The following DST variants were observed in gnomAD, a reference collection of about 807,000 sequenced individuals.
DST encodes dystonin.
DST carries 253 observed loss-of-function variants against 875.2 expected under a neutral mutation model. The observed-to-expected ratio is 0.29, with a 90% confidence interval of 0.26 to 0.32. DST has a LOEUF of 0.32. DST is among the 10% of genes least tolerant of loss of function. The probability of loss-of-function intolerance (pLI) is 1.00; values close to 1 mark genes in which losing one functional copy is unlikely to be tolerated. For missense variants in DST, 8,287 were observed against 9,111.6 expected (o/e 0.91, Z 3.68); for synonymous variants, 3,124 against 3,197.1 (o/e 0.98, Z 0.77).
chr6:56,631,851 A>T, intron 29 of DST, 32 bp downstream of exon 29: 1 of 1,604,466 alleles, frequency 6.2e-7, no homozygotes, highest in Non-Finnish European at 8.5e-7. Flanking sequence ...TAAGAGAGTT[A>T]GTTTTTTTCC....
At chr6:56,765,164 T>A (rs2099630278) in intron 4 of DST, among the ~76,000 whole-genome samples, 1 of 152,194 alleles carries the variant, frequency 6.6e-6, no homozygotes, top group African/African-American at 2.4e-5. Context: ...TGAGACCCCA[T>A]AACCTGTAGA....
At chr6:56,616,511 A>T in intron 36 of DST, 1 of 1,614,214 alleles carries the variant, frequency 6.2e-7, no homozygotes, top group South Asian at 1.1e-5. Context: ...TGGAAACAGA[A>T]AGCATTGGGA....
intron 2 of DST, among the ~76,000 whole-genome samples, chr6:56,953,226 T>C (rs1254446652): frequency 6.6e-6 from 1 of 152,196 alleles, no homozygotes; most frequent in Non-Finnish European, 1.5e-5. Context: ...TAGGAGTTAC[T>C]TGCCCTAGAG....
intron 85 of DST, among the ~76,000 whole-genome samples, chr6:56,491,094 T>A (rs1464071605): frequency 1.3e-5 from 2 of 152,178 alleles, no homozygotes; most frequent in Non-Finnish European, 2.9e-5. Flanking sequence ...TAATACTGTC[T>A]TAAAGAAACA....
intron 17 of DST, 128 bp downstream of exon 17, chr6:56,641,819 A>G (rs1190274107): frequency 1.6e-5 from 12 of 728,740 alleles, no homozygotes; most frequent in Non-Finnish European, 2.3e-5. Flanking sequence ...AATGTGACAC[A>G]CATTTTCAAC....
chr6:56,464,241 C>A (rs59101638), intron 100 of DST: 3 of 262,940 alleles, frequency 1.1e-5, no homozygotes, highest in East Asian at 9.7e-5. Flanking sequence ...TAATTACACA[C>A]AATGATTGAT....
At chr6:56,493,502 A>G (rs1010067745) in intron 83 of DST, among the ~76,000 whole-genome samples, 4 of 152,100 alleles carry the variant, frequency 2.6e-5, no homozygotes, top group African/African-American at 7.2e-5. Flanking sequence ...TGTTTTTTTC[A>G]TGCAATATTG....
At chr6:56,518,695 C>T (rs2096641028) in intron 69 of DST, among the ~76,000 whole-genome samples, 1 of 152,154 alleles carries the variant, frequency 6.6e-6, no homozygotes, top group Non-Finnish European at 1.5e-5. Flanking sequence ...ACCCCAGTGC[C>T]TCCCATGAAT....
intron 61 of DST, among the ~76,000 whole-genome samples, chr6:56,550,533 T>C (rs188194134): frequency 6.6e-6 from 1 of 152,350 alleles, no homozygotes; most frequent in African/African-American, 2.4e-5. Context: ...TTTTTCTTAC[T>C]TTCAGTTCTC....
At position 56,605,702 on chromosome 6, in the gene DST, C is replaced by CA; in HGVS notation, c.8925dup (p.Val2976CysfsTer4). The CA allele has an allele frequency of 6.2e-7, 1 of 1,612,866 alleles. No homozygotes were observed. The highest frequency in any genetic ancestry group is 8.5e-7 in the Non-Finnish European group (1 of 1,179,352). Reference sequence around the variant, plus strand: ...TTAAAATATTCATCTTTACCTTTCACAGAATCAGTCAATTCTGGCAATTCT... The same window carrying CA: ...TTAAAATATTCATCTTTACCTTTCACAAGAATCAGTCAATTCTGGCAATTCT... On this transcript the variant is annotated frameshift_variant, in exon 40 of 104. Transcript: ENST00000680361. LOFTEE classifies it high-confidence loss of function.
At chr6:56,724,396 T>C (rs1003048296) in intron 5 of DST, among the ~76,000 whole-genome samples, 3 of 152,198 alleles carry the variant, frequency 2.0e-5, no homozygotes, top group Non-Finnish European at 4.4e-5. Context: ...CAGTAAGTAG[T>C]ATTGGTGTTT....
rs1227878940 is a variant in DST at position 56,537,068 on chromosome 6, T to C, written c.16609-128A>G. On this transcript the variant is annotated intron_variant, in intron 61 of 103. Transcript: ENST00000680361. Reference sequence around the variant, plus strand: ...ATTACAGAGGTAAAGATAATTTTTATTGTCTAGCCATAGGTCATAGCTACC... The same window carrying C: ...ATTACAGAGGTAAAGATAATTTTTACTGTCTAGCCATAGGTCATAGCTACC... 6.3e-6 allele frequency: 5 copies of C among 792,184 alleles called. No homozygotes were observed. The African/African-American group carries it at 8.7e-5, about 14-fold the overall frequency. The allele number at this position is 792,184 out of a possible 1,614,324, so 49.1% of individuals were successfully genotyped here.
chr6:56,584,750 T>G (rs930518933), intron 49 of DST, among the ~76,000 whole-genome samples: 7 of 152,090 alleles, frequency 4.6e-5, no homozygotes, highest in Non-Finnish European at 1.0e-4. Context: ...TAGCTCTTAT[T>G]ATTTTGAGAT....
intron 4 of DST, among the ~76,000 whole-genome samples, chr6:56,750,526 C>T (rs535429720): frequency 1.3e-5 from 2 of 152,186 alleles, no homozygotes; most frequent in East Asian, 3.9e-4. Flanking sequence ...TTTCAAATTC[C>T]ACAGTCCCTC....
At chr6:56,508,801 T>G (rs2096401548) in intron 74 of DST, 46 bp from the exon 75 acceptor site, 3 of 1,452,104 alleles carry the variant, frequency 2.1e-6, no homozygotes, top group South Asian at 1.3e-5. Context: ...TAGCCCCACG[T>G]AACCAACAAA....
At chr6:56,735,355 A>T in intron 4 of DST, 66 bp from the exon 5 acceptor site, 1 of 929,112 alleles carries the variant, frequency 1.1e-6, no homozygotes, top group Non-Finnish European at 1.7e-6. Flanking sequence ...CTTTGTGATC[A>T]TGAATATAAA....
chr6:56,834,894 T>C (rs913840072), intron 4 of DST, among the ~76,000 whole-genome samples: 4 of 152,162 alleles, frequency 2.6e-5, no homozygotes, highest in African/African-American at 9.7e-5. Context: ...AAATCTGCAC[T>C]CAACTGTTTA....
At chr6:56,671,768 G>A (rs1020200722) in intron 9 of DST, among the ~76,000 whole-genome samples, 3 of 152,162 alleles carry the variant, frequency 2.0e-5, no homozygotes, top group Admixed American at 6.5e-5. Flanking sequence ...CAGGCTGCAC[G>A]CCAGAATCAG....
intron 95 of DST, among the ~76,000 whole-genome samples, chr6:56,470,565 T>C (rs1164292691): frequency 1.3e-5 from 2 of 152,100 alleles, no homozygotes; most frequent in African/African-American, 4.8e-5. Flanking sequence ...AGTCAAAGAA[T>C]AAATTATATG....
Sources: allele counts gnomAD v4.1 joint callset (sites outside exome capture counted in the v4.1 genomes callset), GRCh38; gene constraint gnomAD v4.1.1; transcripts MANE v1.5; gene names NCBI Gene and HGNC (gene_info 2026-07-23, HGNC 2026-07-21).